IP6K3: variants seen among roughly 807,000 people sequenced by gnomAD.
The protein encoded by IP6K3 is ATP:1D-myo-inositol-hexakisphosphate phosphotransferase.
A neutral mutation model predicts 28.8 loss-of-function variants in IP6K3; 20 were observed. The observed-to-expected ratio is 0.70, with a 90% confidence interval of 0.49 to 1.01. The LOEUF (loss-of-function observed/expected upper bound fraction) is 1.01. Ranked by LOEUF, IP6K3 falls within the 50% of genes least tolerant of loss-of-function variation. The pLI, the probability that IP6K3 is intolerant of heterozygous loss-of-function variation, is 0.00. For synonymous variants in IP6K3, 213 were observed against 221.3 expected (o/e 0.96, Z 0.33); for missense variants, 480 against 537.1 (o/e 0.89, Z 1.05).
intron 1 of IP6K3, among the ~76,000 whole-genome samples, chr6:33,743,454 G>C (rs1303580169): frequency 2.0e-5 from 3 of 152,160 alleles, no homozygotes; most frequent in Non-Finnish European, 4.4e-5. Flanking sequence ...TTAGAGATGA[G>C]AGGACCCAAA....
At chr6:33,724,798 G>T (rs1005719873) in intron 5 of IP6K3, among the ~76,000 whole-genome samples, 5 of 152,156 alleles carry the variant, frequency 3.3e-5, no homozygotes, top group Non-Finnish European at 5.9e-5. Flanking sequence ...CCTTACCCCA[G>T]CCCAGCCTCA....
At chr6:33,750,382 C>T (rs1767006476), upstream of IP6K3, among the ~76,000 whole-genome samples, 1 of 152,210 alleles carries the variant, frequency 6.6e-6, no homozygotes, top group Non-Finnish European at 1.5e-5. This position sits in a 1 kb window ranked among gnomAD's most constrained non-coding sequence, Gnocchi z 4.3. Context: ...CCCCTGCCCA[C>T]CTCCTCAGCC....
chr6:33,749,571 T>C (rs1222985828), upstream of IP6K3, among the ~76,000 whole-genome samples: 22 of 149,028 alleles, frequency 1.5e-4, no homozygotes, highest in Admixed American at 6.0e-4. Context: ...ATGGCCCCAC[T>C]GACTAGGAAG....
chr6:33,740,227 G>A lies in IP6K3; in HGVS notation c.-179-4572C>T, dbSNP rs4713673. The stretch of plus-strand genomic sequence containing the variant: ...GAGTAAGAATAAAGCAGGGAAGAGG[G>A]TGAGATGCCTCTAGCCAGAAGAGCT... On this transcript the variant is annotated intron_variant, in intron 1 of 5. Coordinates refer to ENST00000293756, the MANE Select transcript of IP6K3 (RefSeq NM_054111.5). Among the ~76,000 whole-genome samples the A allele has an allele frequency of 1.4e-3, 219 of 152,316 alleles. 3 individuals carry two copies. Among genetic ancestry groups the A allele is most frequent in the Admixed American group, 0.014 (209 of 15,312 alleles).
chr6:33,728,812 C>T (rs887586357), intron 2 of IP6K3, among the ~76,000 whole-genome samples: 2 of 152,160 alleles, frequency 1.3e-5, no homozygotes, highest in Non-Finnish European at 2.9e-5. Flanking sequence ...GTGTCTTTAT[C>T]GGACCTGCTT....
chr6:33,735,041 A>G (rs889938224), intron 2 of IP6K3, among the ~76,000 whole-genome samples: 5 of 152,260 alleles, frequency 3.3e-5, no homozygotes, highest in African/African-American at 9.6e-5. Flanking sequence ...CCATCCCTCA[A>G]AGCCTGGTGA....
chr6:33,737,193 C>G (rs1401648755), intron 1 of IP6K3, among the ~76,000 whole-genome samples: 1 of 152,208 alleles, frequency 6.6e-6, no homozygotes, highest in African/African-American at 2.4e-5. Flanking sequence ...AAAGCTGGCG[C>G]TCTGGGCTGG....
Position 33,723,073 on chromosome 6 carries a change from G to A in IP6K3, c.880C>T (p.Leu294Phe), listed in dbSNP as rs1367689637. The A allele has an allele frequency of 6.2e-7, 1 of 1,614,172 alleles. No homozygotes were observed. The change falls in exon 6 of 6, where the codon CTC (leucine) becomes TTC (phenylalanine). Residue 294 changes from leucine (L) to phenylalanine (F), a missense_variant. Leu to Phe is a conservative substitution (Grantham distance 22). Transcript: ENST00000293756. ...ATGGGCTCCAGGAGCTCCCTCCGGA[G>A]GTGGCTTCCATTATGTAGGAACTGA... ...LYQFLHNGSH[L>F]RRELLEPILH...
In IP6K3 at chr6:33,735,281, T is replaced by C; in HGVS notation, c.196A>G (p.Lys66Glu). 1 of 1,612,536 alleles carries C rather than the reference T, an allele frequency of 6.2e-7. No individual in the cohort carries two copies. The highest frequency in any genetic ancestry group is 8.5e-7 in the Non-Finnish European group (1 of 1,179,684). The change falls in exon 2 of 6, where the codon AAA becomes GAA. Residue 66 changes from lysine (K) to glutamate (E), a missense_variant. Lys to Glu is a moderately conservative substitution (Grantham distance 56, BLOSUM62 1). Transcript: ENST00000293756. ...LAMKRFTPQYKGTVTVHLWKD... is the reference protein window; with the variant it reads ...LAMKRFTPQYEGTVTVHLWKD... Reference sequence around the variant, plus strand: ...GCCTGGCTGCCTAGACACTCACCTTTGTACTGTGGGGTGAACCGCTTCATG... The same window carrying C: ...GCCTGGCTGCCTAGACACTCACCTTCGTACTGTGGGGTGAACCGCTTCATG...
intron 5 of IP6K3, among the ~76,000 whole-genome samples, chr6:33,724,864 G>T (rs959852210): frequency 3.9e-5 from 6 of 152,178 alleles, no homozygotes; most frequent in African/African-American, 1.4e-4. Context: ...GGCCACTGTG[G>T]AAAGTTTCGG....
At chr6:33,723,429 A>G (rs1285181889) in intron 5 of IP6K3, among the ~76,000 whole-genome samples, 1 of 152,198 alleles carries the variant, frequency 6.6e-6, no homozygotes, top group African/African-American at 2.4e-5. Flanking sequence ...CCTTCACCCC[A>G]CAGAGGTGAC....
Position 33,737,899 on chromosome 6 carries a change from G to A in IP6K3, c.-179-2244C>T, listed in dbSNP as rs377728255. On this transcript the variant is annotated intron_variant, in intron 1 of 5. Transcript: ENST00000293756. ...GCACAGAGGTGAGCCCCATCTGGAAGCTGTTTCAGGACCTGAGAAAAGAAG... is the reference window on the plus strand; with the variant it reads ...GCACAGAGGTGAGCCCCATCTGGAAACTGTTTCAGGACCTGAGAAAAGAAG... Among the ~76,000 whole-genome samples the A allele has an allele frequency of 2.5e-3, 377 of 152,336 alleles. 1 individual carries two copies. The highest frequency in any genetic ancestry group is 8.4e-3 in the African/African-American group (351 of 41,576).
chr6:33,748,242 C>T (rs947782348), upstream of IP6K3, among the ~76,000 whole-genome samples: 3 of 152,122 alleles, frequency 2.0e-5, no homozygotes. Flanking sequence ...ATCTTCTGGT[C>T]CCTCCAGACC....
chr6:33,730,155 C>T (rs1429576582), intron 2 of IP6K3, among the ~76,000 whole-genome samples: 1 of 152,214 alleles, frequency 6.6e-6, no homozygotes, highest in Non-Finnish European at 1.5e-5. Context: ...CACGTGGTCA[C>T]CTTCTCAGAG....
chr6:33,733,587 G>A lies in IP6K3; in HGVS notation c.199+1691C>T, dbSNP rs1561904984. ...CCACACATGATCCTGCCACCCCTCT[G>A]CTGGGCTAAGTTTAGTTGTGAAGGA... On this transcript the variant is annotated intron_variant, in intron 2 of 5. Transcript: ENST00000293756. Among the ~76,000 whole-genome samples, 4 of 152,380 alleles carry A rather than the reference G, an allele frequency of 2.6e-5. No homozygotes were observed. In the South Asian group the frequency reaches 8.3e-4, roughly 32 times the overall value.
In IP6K3 at chr6:33,722,854, T is replaced by C; in HGVS notation, c.1099A>G (p.Met367Val). The C allele has an allele frequency of 6.2e-7, 1 of 1,613,584 alleles. No individual in the cohort carries two copies. The highest frequency in any genetic ancestry group is 8.5e-7 in the Non-Finnish European group (1 of 1,179,504). ...TATGTGGTATGAGCAAAGTCAATCA[T>C]GCGGATGTCAACCTTGGTGAGACCA... ...PGGLTKVDIR[M>V]IDFAHTTYKG... Residue 367 changes from methionine to valine, a missense_variant, in exon 6 of 6, where the codon ATG becomes GTG. Coordinates refer to ENST00000293756, the MANE Select transcript of IP6K3 (RefSeq NM_054111.5).
intron 5 of IP6K3, 33 bp from the exon 6 acceptor site, chr6:33,723,220 A>T: frequency 7.0e-7 from 1 of 1,425,700 alleles, no homozygotes; most frequent in Middle Eastern, 2.2e-4. Context: ...AAATGTGAAG[A>T]TTGGAAACTT....
chr6:33,727,862 C>G (rs2127351493), intron 3 of IP6K3: 1 of 985,456 alleles, frequency 1.0e-6, no homozygotes, highest in East Asian at 1.1e-4. Flanking sequence ...GCCTGTGCAT[C>G]AACTTCTGGG....
chr6:33,757,144 A>C, the IP6K3 span, among the ~76,000 whole-genome samples: 1 of 152,334 alleles, frequency 6.6e-6, no homozygotes, highest in Non-Finnish European at 1.5e-5. Flanking sequence ...AGGCTGTGGC[A>C]GTTCCCCTGG....
Sources: gnomAD v4.1 joint callset for allele counts (sites outside exome capture counted in the v4.1 genomes callset) on GRCh38, gnomAD v4.1.1 for gene constraint, Gnocchi (gnomAD v3.1) non-coding constraint, MANE v1.5 for transcripts, NCBI Gene and HGNC (gene_info 2026-07-23, HGNC 2026-07-21) for gene names.